LRFN5: variants seen among roughly 807,000 people sequenced by gnomAD.
LRFN5 encodes leucine rich repeat and fibronectin type III domain containing 5.
A neutral mutation model predicts 45.6 loss-of-function variants in LRFN5; 24 were observed. The ratio of observed to expected loss-of-function variants is 0.53; its 90% CI spans 0.38 to 0.74. LRFN5 has a LOEUF of 0.74. Ranked by LOEUF, LRFN5 falls within the 30% of genes least tolerant of loss-of-function variation. The pLI, the probability that LRFN5 is intolerant of heterozygous loss-of-function variation, is 0.00. For synonymous variants in LRFN5, 340 were observed against 313.8 expected, an observed-to-expected ratio of 1.08 and a Z score of -0.88; for missense variants, 776 against 861.5, an observed-to-expected ratio of 0.90 and a Z score of 1.24.
intron 2 of LRFN5, among the ~76,000 whole-genome samples, chr14:41,787,316 T>G (rs138104583): frequency 9.2e-4 from 140 of 152,234 alleles, no homozygotes; most frequent in African/African-American, 3.2e-3. Context: ...ACTTTATCAT[T>G]GTCCACCTAA....
intron 1 of LRFN5, among the ~76,000 whole-genome samples, chr14:41,730,054 G>A (rs1884101857): frequency 6.6e-6 from 1 of 151,850 alleles, no homozygotes; most frequent in African/African-American, 2.4e-5. Flanking sequence ...ATCTGTACAT[G>A]TTTGCCAAAA....
rs769166966 is a variant in LRFN5 at position 41,893,284 on chromosome 14, G to A, written c.2098+1322G>A. The A allele has an allele frequency of 1.6e-4, 156 of 946,548 alleles. 1 individual carries two copies. Among genetic ancestry groups the A allele is most frequent in the Non-Finnish European group, 1.8e-4 (146 of 794,988 alleles). 58.6% of individuals were successfully genotyped at this position (946,548 alleles called of 1,614,324 possible). On this transcript the variant is annotated intron_variant, in intron 4 of 5. Transcript: ENST00000298119. ...ATTATTAGAAATTTACTGAAATTAA[G>A]GTCTATAGATAAATGTTTCTATTCA...
intron 1 of LRFN5, among the ~76,000 whole-genome samples, chr14:41,719,723 G>T (rs973256151): frequency 2.0e-5 from 3 of 150,998 alleles, no homozygotes; most frequent in Non-Finnish European, 4.4e-5. Flanking sequence ...AGATGTGTGT[G>T]TATATATATG....
intron 2 of LRFN5, among the ~76,000 whole-genome samples, chr14:41,853,440 C>G (rs1446305012): frequency 6.6e-6 from 1 of 151,896 alleles, no homozygotes; most frequent in Non-Finnish European, 1.5e-5. Context: ...ATATATTTGA[C>G]TATAGACTTA....
chr14:41,639,201 G>A (rs1425612716), intron 1 of LRFN5, among the ~76,000 whole-genome samples: 3 of 152,038 alleles, frequency 2.0e-5, no homozygotes, highest in African/African-American at 4.8e-5. Context: ...AATCCATTGT[G>A]TTTCTCTTTT....
rs1890615611 is a variant in LRFN5 at position 41,887,490 on chromosome 14, A to G, written c.865A>G (p.Ile289Val). ...AGAGTTTTTGTGTGAGCCTCCTCTC[A>G]TTACTCGTCATACACATGAGATGAG... ...EEEFLCEPPL[I>V]TRHTHEMRVL... The change falls in exon 3 of 6, where the codon ATT becomes GTT. Residue 289 changes from isoleucine (I) to valine (V), a missense_variant. By Grantham distance (29) the Ile-to-Val change is conservative. Transcript: ENST00000298119. The surrounding 1 kb of genome is among the most constrained non-coding windows in gnomAD (Gnocchi z 4.8). 1 of 1,614,138 alleles carries G rather than the reference A, an allele frequency of 6.2e-7. No homozygotes were observed. The highest frequency in any genetic ancestry group is 8.5e-7 in the Non-Finnish European group (1 of 1,180,032).
intron 2 of LRFN5, among the ~76,000 whole-genome samples, chr14:41,786,142 A>T (rs1434357546): frequency 6.6e-6 from 1 of 152,184 alleles, no homozygotes; most frequent in African/African-American, 2.4e-5. Flanking sequence ...AAACTCTACA[A>T]CATAGAGTTA....
chr14:41,826,995 A>G (rs1326623760), intron 2 of LRFN5, among the ~76,000 whole-genome samples: 1 of 152,108 alleles, frequency 6.6e-6, no homozygotes, highest in Non-Finnish European at 1.5e-5. Flanking sequence ...GATCAAAACA[A>G]TCCAACTTTG....
At chr14:41,612,798 T>C (rs1887801179) in intron 1 of LRFN5, among the ~76,000 whole-genome samples, 1 of 152,068 alleles carries the variant, frequency 6.6e-6, no homozygotes, top group Non-Finnish European at 1.5e-5. Flanking sequence ...GGTGAACCAT[T>C]TTTAGTATGC....
intron 1 of LRFN5, among the ~76,000 whole-genome samples, chr14:41,755,909 G>C (rs986885171): frequency 6.6e-6 from 1 of 152,170 alleles, no homozygotes; most frequent in Non-Finnish European, 1.5e-5. Flanking sequence ...GGTACCGGAT[G>C]TTCCTTTCCA....
chr14:41,741,959 C>T (rs963417465), intron 1 of LRFN5, among the ~76,000 whole-genome samples: 13 of 151,638 alleles, frequency 8.6e-5, no homozygotes, highest in African/African-American at 2.9e-4. Context: ...ATTGAAACCA[C>T]AATGAGATAT....
intron 1 of LRFN5, among the ~76,000 whole-genome samples, chr14:41,640,281 AG>A (rs1357253904): frequency 5.9e-5 from 9 of 152,186 alleles, no homozygotes; most frequent in Non-Finnish European, 1.3e-4. Flanking sequence ...GCTTTGCCTT[AG>A]GCTGTTAATA....
intron 1 of LRFN5, among the ~76,000 whole-genome samples, chr14:41,618,601 G>A (rs941793860): frequency 1.3e-5 from 2 of 152,098 alleles, no homozygotes; most frequent in East Asian, 1.9e-4. Context: ...ACCAGCAGAA[G>A]AACTAACCAG....
intron 1 of LRFN5, among the ~76,000 whole-genome samples, chr14:41,706,336 G>A (rs1356931560): frequency 1.3e-5 from 2 of 152,312 alleles, no homozygotes; most frequent in East Asian, 3.9e-4. Context: ...CCGACCTCGG[G>A]TGATCCTCCA....
chr14:41,614,733 C>G (rs1459915733), intron 1 of LRFN5, among the ~76,000 whole-genome samples: 1 of 151,980 alleles, frequency 6.6e-6, no homozygotes, highest in East Asian at 1.9e-4. Context: ...CATCAGAATC[C>G]TCACCTAAGA....
intron 1 of LRFN5, among the ~76,000 whole-genome samples, chr14:41,680,525 CTA>C (rs1322475136): frequency 6.6e-6 from 1 of 152,086 alleles, no homozygotes; most frequent in African/African-American, 2.4e-5. Flanking sequence ...GGTGGTCCCT[CTA>C]TGAGTTTTTA....
At chr14:41,778,942 ATC>A (rs1416868172) in intron 2 of LRFN5, among the ~76,000 whole-genome samples, 1 of 151,774 alleles carries the variant, frequency 6.6e-6, no homozygotes, top group Non-Finnish European at 1.5e-5. Flanking sequence ...CAGACGTGTC[ATC>A]TGTGAACAAA....
chr14:41,846,070 C>CA (rs1472116314), intron 2 of LRFN5, among the ~76,000 whole-genome samples: 2 of 152,100 alleles, frequency 1.3e-5, no homozygotes, highest in Non-Finnish European at 2.9e-5. Flanking sequence ...TGTCTGGTTG[C>CA]ATGGCGGTGA....
rs148492523 is a variant in LRFN5, at chr14:41,814,682, C to G, written c.-21+47653C>G. 6.5e-3 allele frequency among the ~76,000 whole-genome samples: 984 copies of G among 152,250 alleles called. 6 individuals are homozygous for G. The highest frequency in any genetic ancestry group is 0.022 in the African/African-American group (930 of 41,558). On this transcript the variant is annotated intron_variant, in intron 2 of 5. Transcript: ENST00000298119. ...TCGTGCTTCTAATTACTGCTCCCCCCACTTTGTATTTTGTCACAACTAACC... is the reference window on the plus strand; with the variant it reads ...TCGTGCTTCTAATTACTGCTCCCCCGACTTTGTATTTTGTCACAACTAACC...
Sources: allele counts gnomAD v4.1 joint callset (sites outside exome capture counted in the v4.1 genomes callset), GRCh38; gene constraint gnomAD v4.1.1; non-coding constraint Gnocchi (gnomAD v3.1); transcripts MANE v1.5; gene names NCBI Gene and HGNC (gene_info 2026-07-23, HGNC 2026-07-21).